OTUD7A: variants seen among roughly 807,000 people sequenced by gnomAD.
The protein encoded by OTUD7A is OTU domain-containing protein 7A.
Under a neutral mutation model 65.7 loss-of-function variants are expected in OTUD7A, and 12 were observed. The observed-to-expected ratio is 0.18, with a 90% CI of 0.12 to 0.30. OTUD7A has a LOEUF of 0.30. OTUD7A is among the 10% of genes least tolerant of loss of function. The pLI is 1.00. For missense variants in OTUD7A, 1,148 were observed against 1,304.8 expected (o/e 0.88, Z 1.85); for synonymous variants, 641 against 586.3 (o/e 1.09, Z -1.35).
chr15:31,502,880 G>A (rs1233521085), intron 9 of OTUD7A, among the ~76,000 whole-genome samples: 4 of 152,328 alleles, frequency 2.6e-5, no homozygotes, highest in East Asian at 1.9e-4. Context: ...CATAACCATC[G>A]TGGCCACATC....
chr15:31,722,289 C>T (rs180867967), intron 1 of OTUD7A, among the ~76,000 whole-genome samples: 3 of 152,316 alleles, frequency 2.0e-5, no homozygotes, highest in African/African-American at 7.2e-5. Flanking sequence ...AGTTTCCAAG[C>T]CTGCCACAGC....
chr15:31,867,950 C>T (rs1022461775), intron 1 of OTUD7A, among the ~76,000 whole-genome samples: 1 of 152,206 alleles, frequency 6.6e-6, no homozygotes, highest in African/African-American at 2.4e-5. Context: ...GGCGCACACA[C>T]ATGCACCCAC....
chr15:31,816,514 C>T (rs1344339586), intron 1 of OTUD7A, among the ~76,000 whole-genome samples: 2 of 135,654 alleles, frequency 1.5e-5, no homozygotes, highest in African/African-American at 2.7e-5. Flanking sequence ...CACGGTGAAA[C>T]CCCGTCTCTA....
At chr15:31,528,023 A>G (rs2042037241) in intron 6 of OTUD7A, among the ~76,000 whole-genome samples, 1 of 152,228 alleles carries the variant, frequency 6.6e-6, no homozygotes. Context: ...CCATCCATCC[A>G]TCCGTCCATC....
intron 1 of OTUD7A, among the ~76,000 whole-genome samples, chr15:31,664,716 T>C (rs1452523722): frequency 1.3e-5 from 2 of 152,224 alleles, no homozygotes; most frequent in Admixed American, 6.5e-5. Flanking sequence ...GGGTTCTTGC[T>C]CGTGAAATCC....
intron 3 of OTUD7A, among the ~76,000 whole-genome samples, chr15:31,606,717 T>C (rs1173827857): frequency 4.6e-5 from 7 of 152,228 alleles, no homozygotes; most frequent in Admixed American, 6.5e-5. Context: ...CTTTATTCAA[T>C]TGGCAAAACC....
chr15:31,834,542 G>A (rs1014787390), intron 1 of OTUD7A, among the ~76,000 whole-genome samples: 2 of 152,116 alleles, frequency 1.3e-5, no homozygotes, highest in African/African-American at 4.8e-5. Flanking sequence ...TTTAATGGAT[G>A]GTACAGATTT....
intron 1 of OTUD7A, among the ~76,000 whole-genome samples, chr15:31,856,066 C>T (rs185428172): frequency 3.9e-5 from 6 of 152,190 alleles, no homozygotes; most frequent in Non-Finnish European, 1.5e-5. Flanking sequence ...AGAAAGGGAA[C>T]TTTTAGAAAC....
chr15:31,677,126 T>C (rs1892611686), intron 1 of OTUD7A, among the ~76,000 whole-genome samples: 1 of 152,106 alleles, frequency 6.6e-6, no homozygotes, highest in Non-Finnish European at 1.5e-5. Context: ...CTGGCCCCAG[T>C]CTCCCACTGC....
rs2041075959 is a variant in OTUD7A at position 31,479,317 on chromosome 15, C to T, written c.*3977G>A. The T allele has an allele frequency of 6.6e-6, 1 of 152,154 alleles. No homozygotes were observed. The highest frequency in any genetic ancestry group is 1.5e-5 in the Non-Finnish European group (1 of 68,052). The allele number at this position is 152,154 out of a possible 1,614,324, so 9.4% of individuals were successfully genotyped here. A position where few individuals can be genotyped will look rare whatever the true frequency, so the allele number is the denominator to read the frequency against. On this transcript the variant is annotated 3_prime_UTR_variant, in exon 13 of 13. Transcript: ENST00000307050. ...CTTGCTCAGCCACAGAAACACATTT[C>T]TTCTTATCTATTAGAAGCACTGAGG...
intron 5 of OTUD7A, among the ~76,000 whole-genome samples, chr15:31,534,108 CA>C (rs1002175441): frequency 6.6e-6 from 1 of 151,800 alleles, no homozygotes; most frequent in African/African-American, 2.4e-5. Context: ...ATACCAAAAT[CA>C]AAAAAAGTAC....
intron 5 of OTUD7A, among the ~76,000 whole-genome samples, chr15:31,536,003 A>C (rs373943091): frequency 1.6e-4 from 24 of 152,272 alleles, no homozygotes; most frequent in African/African-American, 5.5e-4. Context: ...TAGTGAACTC[A>C]TGTCAAGACA....
chr15:31,750,313 C>T (rs1894597394), intron 1 of OTUD7A, among the ~76,000 whole-genome samples: 1 of 144,710 alleles, frequency 6.9e-6, no homozygotes, highest in Admixed American at 7.4e-5. Context: ...GAGACTGAGG[C>T]TTGAGAATAG....
intron 1 of OTUD7A, among the ~76,000 whole-genome samples, chr15:31,733,032 G>GA (rs1255722321): frequency 1.3e-5 from 2 of 152,110 alleles, no homozygotes; most frequent in African/African-American, 2.4e-5. Context: ...CCAGTCTCCT[G>GA]AAAAAAAGCT....
intron 1 of OTUD7A, among the ~76,000 whole-genome samples, chr15:31,860,622 GA>G (rs1897693471): frequency 7.4e-5 from 2 of 26,856 alleles, no homozygotes; most frequent in Admixed American, 6.1e-4. Context: ...CAGAAGTGGA[GA>G]TATATATATA....
chr15:31,544,029 A>G (rs1888059474), intron 5 of OTUD7A, among the ~76,000 whole-genome samples: 1 of 151,824 alleles, frequency 6.6e-6, no homozygotes, highest in African/African-American at 2.4e-5. Context: ...AATCATACAG[A>G]CAATGCTTTT....
Position 31,584,911 on chromosome 15 carries a change from A to G in OTUD7A, c.152-14714T>C, listed in dbSNP as rs549209499. Among the ~76,000 whole-genome samples the G allele has an allele frequency of 4.5e-4, 69 of 152,336 alleles. 2 individuals carry two copies. Among genetic ancestry groups the G allele is most frequent in the Admixed American group, 3.1e-3 (47 of 15,304 alleles). ...CCCTCTTGCTTCCTTGTCATATGCC[A>G]TAAGACCTATTGATGAGGAGAAATT... On this transcript the variant is annotated intron_variant, in intron 3 of 12. Transcript: ENST00000307050.
intron 1 of OTUD7A, among the ~76,000 whole-genome samples, chr15:31,866,645 A>G (rs1567062614): frequency 6.6e-6 from 1 of 152,208 alleles, no homozygotes; most frequent in South Asian, 2.1e-4. Flanking sequence ...GTTCAAGGGT[A>G]AAATATTTTC....
chr15:31,533,037 T>C (rs1887683293), intron 5 of OTUD7A, among the ~76,000 whole-genome samples: 1 of 150,566 alleles, frequency 6.6e-6, no homozygotes. Context: ...TTCAAGAAGC[T>C]GAGCAAACCC....
Sources: gnomAD v4.1 joint callset for allele counts (sites outside exome capture counted in the v4.1 genomes callset) on GRCh38, gnomAD v4.1.1 for gene constraint, MANE v1.5 for transcripts, NCBI Gene and HGNC (gene_info 2026-07-23, HGNC 2026-07-21) for gene names.